Variants in SAYSD1 observed in about 807,000 individuals in gnomAD.
SAYSD1 encodes SAYSVFN motif domain containing 1, also known as SAYSvFN domain-containing protein 1.
In SAYSD1, 15 loss-of-function variants were observed where a neutral mutation model predicts 14.5. The observed-to-expected ratio is 1.03, with a 90% confidence interval of 0.69 to 1.59. The LOEUF is 1.59. SAYSD1 is among the 40% of genes most tolerant of loss of function. The pLI is 0.00. For synonymous variants in SAYSD1, 105 were observed against 102.6 expected (o/e 1.02, Z -0.14); for missense variants, 247 against 227.3 (o/e 1.09, Z -0.56).
rs78552786 is a variant in SAYSD1 at position 39,109,465 on chromosome 6, C to T, written c.208-3689G>A. 8.9e-3 allele frequency: 13,605 copies of T among 1,529,326 alleles called. 373 individuals are homozygous for T. The highest frequency in any genetic ancestry group is 0.086 in the African/African-American group (6,295 of 72,782). 94.7% of individuals were successfully genotyped at this position (1,529,326 alleles called of 1,614,324 possible). On this transcript the variant is annotated intron_variant, in intron 1 of 1. Coordinates refer to ENST00000229903, the MANE Select transcript of SAYSD1 (RefSeq NM_018322.3). ...GATGCAGCGGCATTGTCAGTCACAG[C>T]GAGGCCCGGGTCGGGGCAGAGGCAT...
chr6:39,112,912 G>A (rs1769655284), intron 1 of SAYSD1: 2 of 154,780 alleles, frequency 1.3e-5, no homozygotes, highest in South Asian at 4.1e-4. Flanking sequence ...GGAGAAGTAA[G>A]TATCAAAAAA....
At chr6:39,114,357 T>C (rs1279457612) in intron 1 of SAYSD1, among the ~76,000 whole-genome samples, 1 of 152,266 alleles carries the variant, frequency 6.6e-6, no homozygotes, top group Non-Finnish European at 1.5e-5. Context: ...GGAATAAGCT[T>C]CTGCCACTAC....
intron 1 of SAYSD1, among the ~76,000 whole-genome samples, 194 bp downstream of exon 1, chr6:39,114,689 G>C (rs1769699912): frequency 6.6e-6 from 1 of 152,238 alleles, no homozygotes; most frequent in African/African-American, 2.4e-5. Context: ...TGGGTCGCGG[G>C]CTGGAAAGAA....
chr6:39,112,642 G>A (rs1308581751), intron 1 of SAYSD1: 6 of 152,192 alleles, frequency 3.9e-5, no homozygotes, highest in Admixed American at 3.9e-4. Flanking sequence ...GTGTACAAAA[G>A]GACCTAAGCC....
rs780004052 is a variant in SAYSD1 at position 39,115,111 on chromosome 6, G to C, written c.-22C>G. The C allele has an allele frequency of 6.3e-7, 1 of 1,589,918 alleles. No homozygotes were observed. Among genetic ancestry groups the C allele is most frequent in the African/African-American group, 1.3e-5 (1 of 74,556 alleles). On this transcript the variant is annotated 5_prime_UTR_variant, in exon 1 of 2. Coordinates refer to ENST00000229903, the MANE Select transcript of SAYSD1 (RefSeq NM_018322.3). ...CCATGGCGCGCGCCTCGCGTCCGTTGGCCGATAAGGGAGCGCGCGCCCGCA... is the reference window on the plus strand; with the variant it reads ...CCATGGCGCGCGCCTCGCGTCCGTTCGCCGATAAGGGAGCGCGCGCCCGCA...
chr6:39,106,775 CA>C (rs1769512714), intron 1 of SAYSD1, among the ~76,000 whole-genome samples: 1 of 152,188 alleles, frequency 6.6e-6, no homozygotes, highest in African/African-American at 2.4e-5. Flanking sequence ...GGATAAAATC[CA>C]AACTCCTTGG....
At position 39,104,878 on chromosome 6, in the gene SAYSD1, T is replaced by C. The variant is rs79724767; in HGVS notation, c.*554A>G. 4,349 of 152,926 alleles carry C rather than the reference T, an allele frequency of 0.028. 91 individuals are homozygous for C. Among genetic ancestry groups the C allele is most frequent in the South Asian group, 0.044 (213 of 4,826 alleles). The allele number at this position is 152,926 out of a possible 1,614,324, so 9.5% of individuals were successfully genotyped here. On this transcript the variant is annotated 3_prime_UTR_variant, in exon 2 of 2. Transcript: ENST00000229903. ...TGGTGATGGGCAATGAAGAGGGACC[T>C]ATTTCTGAAGAGGAGATGTTTTAAA... is the stretch of plus-strand genomic sequence containing the variant.
chr6:39,106,459 G>A (rs918123138), intron 1 of SAYSD1, among the ~76,000 whole-genome samples: 10 of 152,108 alleles, frequency 6.6e-5, no homozygotes, highest in Admixed American at 1.3e-4. Context: ...CCTGGGAGGC[G>A]GAGGCTGCAG....
At chr6:39,109,251 G>A (rs1259794984) in intron 1 of SAYSD1, 34 of 1,453,366 alleles carry the variant, frequency 2.3e-5, no homozygotes, top group Admixed American at 1.2e-4. Context: ...TGTGCTGGGG[G>A]CTTGCCTGGG....
chr6:39,107,425 G>A (rs1188480404), intron 1 of SAYSD1, among the ~76,000 whole-genome samples: 1 of 151,368 alleles, frequency 6.6e-6, no homozygotes, highest in Non-Finnish European at 1.5e-5. Flanking sequence ...GTCATGTCAT[G>A]TATGATGCCA....
intron 1 of SAYSD1, among the ~76,000 whole-genome samples, 176 bp downstream of exon 1, chr6:39,114,707 A>G (rs1273950056): frequency 6.6e-6 from 1 of 152,232 alleles, no homozygotes; most frequent in Non-Finnish European, 1.5e-5. Flanking sequence ...GAAAATGTCA[A>G]AACTGGTAAC....
At chr6:39,107,560 G>A (rs996300878) in intron 1 of SAYSD1, among the ~76,000 whole-genome samples, 2 of 152,070 alleles carry the variant, frequency 1.3e-5, no homozygotes, top group African/African-American at 4.8e-5. Context: ...TCTTCTTCAC[G>A]TGCATATTTA....
intron 1 of SAYSD1, chr6:39,111,201 A>G (rs1357745083): frequency 6.6e-6 from 1 of 152,202 alleles, no homozygotes; most frequent in African/African-American, 2.4e-5. Flanking sequence ...GGCCTCCTGA[A>G]AAACATCCTT....
intron 1 of SAYSD1, chr6:39,113,815 A>G (rs562975302): frequency 9.2e-5 from 14 of 152,366 alleles, no homozygotes; most frequent in African/African-American, 3.4e-4. Flanking sequence ...TTATCCAAAG[A>G]CAATTAACAC....
At position 39,105,458 on chromosome 6, in the gene SAYSD1, G is replaced by A; in HGVS notation, c.526C>T (p.Gln176Ter). The A allele has an allele frequency of 6.2e-7, 1 of 1,614,212 alleles. No individual in the cohort carries two copies. The highest frequency in any genetic ancestry group is 8.5e-7 in the Non-Finnish European group (1 of 1,180,024). Reference protein sequence around the residue: ...LTAEQLERELQLRPLAGR With the variant: ...LTAEQLEREL ...TATCTCCCTGCCAGGGGTCTCAACT[G>A]TAACTCGCGCTCCAACTGCTCTGCA... Residue 176 changes from glutamine (Q) to a stop codon, truncating the protein, a stop_gained, in exon 2 of 2, where the codon CAG becomes TAG. Transcript: ENST00000229903. LOFTEE classifies it high-confidence loss of function.
chr6:39,110,192 T>C (rs988822369), intron 1 of SAYSD1: 1 of 152,328 alleles, frequency 6.6e-6, no homozygotes, highest in Non-Finnish European at 1.5e-5. Flanking sequence ...AGTTTCTGTA[T>C]CCCTTCATCT....
intron 1 of SAYSD1, chr6:39,109,378 C>T (rs1769582872): frequency 1.3e-6 from 2 of 1,550,680 alleles, no homozygotes; most frequent in Non-Finnish European, 8.7e-7. Flanking sequence ...TGCTTTTCTC[C>T]AAGCAAAATC....
chr6:39,105,287 G>T lies in SAYSD1; in HGVS notation c.*145C>A, dbSNP rs927997131. 1.2e-5 allele frequency: 8 copies of T among 660,172 alleles called. No homozygotes were observed. The African/African-American group carries it at 1.5e-4, about 12-fold the overall frequency. The allele number at this position is 660,172 out of a possible 1,614,324, so 40.9% of individuals were successfully genotyped here. On this transcript the variant is annotated 3_prime_UTR_variant, in exon 2 of 2. Coordinates refer to ENST00000229903, the MANE Select transcript of SAYSD1 (RefSeq NM_018322.3). ...TATCAAAGATCAAATGGCAGCAAAA[G>T]ATCAGGGAAAGAAGGTAGAAAAACT... is the stretch of plus-strand genomic sequence containing the variant.
chr6:39,114,882 C>G lies in SAYSD1; in HGVS notation c.207+1G>C. ...TAGGGCCGAAGTTTCCATCGTCTCA[C>G]CTGAACTAGGCCGGGCTGGGCCCGG... On this transcript the variant is annotated splice_donor_variant, in intron 1 of 1. Coordinates refer to ENST00000229903, the MANE Select transcript of SAYSD1 (RefSeq NM_018322.3). LOFTEE classifies it high-confidence loss of function. 1 of 1,611,790 alleles carries G rather than the reference C, an allele frequency of 6.2e-7. No homozygotes were observed. The highest frequency in any genetic ancestry group is 1.3e-5 in the African/African-American group (1 of 74,990).
Sources: gnomAD v4.1 joint callset for allele counts (sites outside exome capture counted in the v4.1 genomes callset) on GRCh38, gnomAD v4.1.1 for gene constraint, MANE v1.5 for transcripts, NCBI Gene and HGNC (gene_info 2026-07-23, HGNC 2026-07-21) for gene names.